The following TIAM2 variants were observed in gnomAD, a reference collection of about 807,000 sequenced individuals.
TIAM2 encodes the protein rho guanine nucleotide exchange factor TIAM2.
A neutral mutation model predicts 152.9 loss-of-function variants in TIAM2; 80 were observed. That is an observed-to-expected ratio of 0.52 (90% CI 0.44 to 0.63). The LOEUF (loss-of-function observed/expected upper bound fraction) is 0.63, where lower values mean the gene tolerates loss of function less well. TIAM2 is among the 30% of genes least tolerant of loss of function. The pLI is 0.00. For synonymous variants in TIAM2, 804 were observed against 838.0 expected, an observed-to-expected ratio of 0.96 and a Z score of 0.70; for missense variants, 1,965 against 2,120.1, an observed-to-expected ratio of 0.93 and a Z score of 1.44.
intron 1 of TIAM2, among the ~76,000 whole-genome samples, chr6:155,064,827 T>G (rs1777653134): frequency 6.6e-6 from 1 of 152,110 alleles, no homozygotes; most frequent in Non-Finnish European, 1.5e-5. Context: ...TTCCCTTCCC[T>G]CCTCATCGCC....
chr6:155,131,477 A>G (rs1299093946), intron 4 of TIAM2, among the ~76,000 whole-genome samples: 1 of 152,114 alleles, frequency 6.6e-6, no homozygotes, highest in Non-Finnish European at 1.5e-5. Context: ...TTGGTTGAAT[A>G]GGCTTGTTGA....
In TIAM2 at chr6:155,129,788, G is replaced by A; in HGVS notation, c.565G>A (p.Glu189Lys). ...NGGNPSKVPA[E>K]DCSEPVQLLR... ...TGGCAACCCCAGCAAAGTGCCTGCA[G>A]AGGACTGCAGTGAGCCGGTGCAGCT... is the stretch of plus-strand genomic sequence containing the variant. The change falls in exon 4 of 27, where the codon GAG becomes AAG. Residue 189 changes from glutamate to lysine, a missense_variant. Coordinates refer to ENST00000682666, the MANE Select transcript of TIAM2 (RefSeq NM_012454.4). This position sits in a 1 kb window ranked among gnomAD's most constrained non-coding sequence, Gnocchi z 4.8. 1 of 1,613,824 alleles carries A rather than the reference G, an allele frequency of 6.2e-7. No individual in the cohort carries two copies. Among genetic ancestry groups the A allele is most frequent in the African/African-American group, 1.3e-5 (1 of 75,070 alleles).
chr6:154,996,344 A>C (rs1371968980), intron 1 of TIAM2, among the ~76,000 whole-genome samples: 1 of 152,170 alleles, frequency 6.6e-6, no homozygotes, highest in Non-Finnish European at 1.5e-5. Context: ...GATTCCAAAG[A>C]TAATTTCATT....
At chr6:155,137,769 C>T (rs147464926) in intron 5 of TIAM2, among the ~76,000 whole-genome samples, 157 bp downstream of exon 5, 5 of 152,304 alleles carry the variant, frequency 3.3e-5, no homozygotes, top group Admixed American at 6.5e-5. Context: ...TTCTCACACC[C>T]GTGAAATAGG....
intron 1 of TIAM2, among the ~76,000 whole-genome samples, chr6:155,014,441 C>T (rs973386153): frequency 2.0e-5 from 3 of 151,918 alleles, no homozygotes; most frequent in South Asian, 2.1e-4. Context: ...TTTAGTTCAC[C>T]GTAGTGCTTT....
rs182874131 is a variant in TIAM2 at position 155,243,919 on chromosome 6, C to G, written c.3349-92C>G. 1.1e-5 allele frequency: 9 copies of G among 802,090 alleles called. No individual in the cohort carries two copies. In the East Asian group the frequency reaches 2.8e-4, roughly 25 times the overall value. 49.7% of individuals were successfully genotyped at this position (802,090 alleles called of 1,614,324 possible). A position where few individuals can be genotyped will look rare whatever the true frequency, so the allele number is the denominator to read the frequency against. On this transcript the variant is annotated intron_variant, in intron 16 of 26. Transcript: ENST00000682666. ...TAAACTTCATTATCCTGATGGGAGC[C>G]TTGGGAGCTGCTGCCAGGTTGCTGC...
intron 15 of TIAM2, chr6:155,216,946 A>G: frequency 8.2e-7 from 1 of 1,214,010 alleles, no homozygotes; most frequent in South Asian, 1.5e-5. Flanking sequence ...GACTTGGAAG[A>G]GCAGTTTGGG....
chr6:155,252,119 C>T lies in TIAM2; in HGVS notation c.4119+116C>T, dbSNP rs1783698620. 4 of 717,480 alleles carry T rather than the reference C, an allele frequency of 5.6e-6. No individual in the cohort carries two copies. In the South Asian group the frequency reaches 7.1e-5, roughly 13 times the overall value. 44.4% of individuals were successfully genotyped at this position (717,480 alleles called of 1,614,324 possible). On this transcript the variant is annotated intron_variant, in intron 23 of 26. Transcript: ENST00000682666. ...GCTGGGCTGACTGATACTGCTTACTCTGAGGGTAACTAACCCCATCACATA... is the reference window on the plus strand; with the variant it reads ...GCTGGGCTGACTGATACTGCTTACTTTGAGGGTAACTAACCCCATCACATA...
At chr6:155,086,097 G>C (rs1778166096) in intron 1 of TIAM2, among the ~76,000 whole-genome samples, 1 of 152,230 alleles carries the variant, frequency 6.6e-6, no homozygotes, top group African/African-American at 2.4e-5. Flanking sequence ...CTGGATTGCA[G>C]TCCAGCTCAG....
In TIAM2 at chr6:155,106,225, G is replaced by A. The variant is rs181775391; in HGVS notation, c.-118+15846G>A. Reference sequence around the variant, plus strand: ...TCACCATATTGGTCAGGCTGGTTCCGAACTCCTGACCTCAGGTGATCTACC... The same window carrying A: ...TCACCATATTGGTCAGGCTGGTTCCAAACTCCTGACCTCAGGTGATCTACC... On this transcript the variant is annotated intron_variant, in intron 2 of 26. Transcript: ENST00000682666. 4.1e-3 allele frequency among the ~76,000 whole-genome samples: 629 copies of A among 151,914 alleles called. 6 individuals are homozygous for A. Among genetic ancestry groups the A allele is most frequent in the African/African-American group, 0.014 (561 of 41,430 alleles).
intron 1 of TIAM2, among the ~76,000 whole-genome samples, chr6:155,078,525 T>C (rs1478379613): frequency 6.6e-6 from 1 of 152,206 alleles, no homozygotes; most frequent in Non-Finnish European, 1.5e-5. Flanking sequence ...ATTTCACCCA[T>C]GCTGTCCTCC....
At position 155,167,834 on chromosome 6, in the gene TIAM2, T is replaced by C. The variant is rs115767142; in HGVS notation, c.2361+2425T>C. 1.2e-3 allele frequency among the ~76,000 whole-genome samples: 184 copies of C among 152,330 alleles called. 1 individual carries two copies. Among genetic ancestry groups the C allele is most frequent in the African/African-American group, 4.3e-3 (178 of 41,580 alleles). Reference sequence around the variant, plus strand: ...GAACTGAACTTCTTTGATGGTTAACTAATGTCCTTAAGGTATTTTAATCAA... The same window carrying C: ...GAACTGAACTTCTTTGATGGTTAACCAATGTCCTTAAGGTATTTTAATCAA... On this transcript the variant is annotated intron_variant, in intron 9 of 26. Coordinates refer to ENST00000682666, the MANE Select transcript of TIAM2 (RefSeq NM_012454.4).
rs1394923233 is a variant in TIAM2, at chr6:155,146,865, C to T, written c.1804-1245C>T. On this transcript the variant is annotated intron_variant, in intron 6 of 26. Coordinates refer to ENST00000682666, the MANE Select transcript of TIAM2 (RefSeq NM_012454.4). ...AACTCCTGACCTCAAGTGACCTGCT[C>T]GCCTTGGCCTTCCAAAGAGTGCTAG... Among the ~76,000 whole-genome samples the T allele has an allele frequency of 2.0e-5, 3 of 150,478 alleles. No individual in the cohort carries two copies. The East Asian group carries it at 5.9e-4, about 30-fold the overall frequency.
At chr6:155,029,954 G>T (rs550354322) in intron 1 of TIAM2, among the ~76,000 whole-genome samples, 2 of 151,678 alleles carry the variant, frequency 1.3e-5, no homozygotes, top group South Asian at 4.2e-4. Flanking sequence ...CACTATGCCT[G>T]GCTAATTTTT....
intron 1 of TIAM2, among the ~76,000 whole-genome samples, chr6:155,056,234 C>T (rs1241798775): frequency 2.1e-5 from 3 of 141,180 alleles, no homozygotes; most frequent in East Asian, 4.1e-4. Context: ...TGCAGTGGCG[C>T]GATCTCGGCT....
intron 1 of TIAM2, among the ~76,000 whole-genome samples, chr6:155,047,084 C>T (rs1033054634): frequency 7.2e-5 from 11 of 152,152 alleles, no homozygotes; most frequent in African/African-American, 9.7e-5. Context: ...TTTTTAATCC[C>T]GCCTATGTAG....
intron 2 of TIAM2, among the ~76,000 whole-genome samples, chr6:155,104,671 C>G (rs564354920): frequency 1.3e-5 from 2 of 151,220 alleles, no homozygotes; most frequent in Admixed American, 6.6e-5. Flanking sequence ...GCAGGGGAAT[C>G]GCTTGAACCC....
At chr6:155,203,483 A>AT (rs1373101857) in intron 14 of TIAM2, among the ~76,000 whole-genome samples, 2 of 152,140 alleles carry the variant, frequency 1.3e-5, no homozygotes, top group Non-Finnish European at 2.9e-5. Context: ...AAAGTACGTT[A>AT]TTTTTTCTGG....
intron 2 of TIAM2, among the ~76,000 whole-genome samples, chr6:155,105,629 A>AT (rs1778668186): frequency 1.4e-5 from 2 of 147,050 alleles, no homozygotes; most frequent in Non-Finnish European, 3.0e-5. Flanking sequence ...TAATTGTTTA[A>AT]TTTTTTTCTG....
Sources: gnomAD v4.1 joint callset for allele counts (sites outside exome capture counted in the v4.1 genomes callset) on GRCh38, gnomAD v4.1.1 for gene constraint, Gnocchi (gnomAD v3.1) non-coding constraint, MANE v1.5 for transcripts, NCBI Gene and HGNC (gene_info 2026-07-23, HGNC 2026-07-21) for gene names.